ADK: variants seen among roughly 807,000 people sequenced by gnomAD.
ADK encodes the protein N6,N6-dimethyladenosine kinase.
A neutral mutation model predicts 44.7 loss-of-function variants in ADK; 24 were observed. That is an observed-to-expected ratio of 0.54 (90% confidence interval 0.39 to 0.76). The LOEUF is 0.76. ADK is among the 30% of genes least tolerant of loss of function. The pLI is 0.00. For synonymous variants in ADK, 128 were observed against 142.6 expected (o/e 0.90, Z 0.73); for missense variants, 321 against 425.1 (o/e 0.76, Z 2.15).
At chr10:74,493,191 T>C (rs1847548769) in intron 6 of ADK, among the ~76,000 whole-genome samples, 1 of 152,008 alleles carries the variant, frequency 6.6e-6, no homozygotes, top group Non-Finnish European at 1.5e-5. Flanking sequence ...TTATTTTACT[T>C]TACTGAGACA....
chr10:74,629,068 C>G (rs1853321972), intron 9 of ADK, among the ~76,000 whole-genome samples: 1 of 152,046 alleles, frequency 6.6e-6, no homozygotes, highest in African/African-American at 2.4e-5. Flanking sequence ...AAGAGACTGT[C>G]TCCCAGGCTG....
At chr10:74,523,819 C>T (rs762320671) in intron 6 of ADK, among the ~76,000 whole-genome samples, 1 of 152,166 alleles carries the variant, frequency 6.6e-6, no homozygotes, top group Non-Finnish European at 1.5e-5. Flanking sequence ...GTATGTAGTA[C>T]TCCTAATATG....
chr10:74,221,713 G>A (rs1414474470), intron 2 of ADK, among the ~76,000 whole-genome samples: 5 of 144,518 alleles, frequency 3.5e-5, no homozygotes, highest in African/African-American at 7.9e-5. Context: ...CAGAAATAAC[G>A]CCGCATATCT....
chr10:74,335,266 A>AT (rs1483710514), intron 4 of ADK, among the ~76,000 whole-genome samples: 4 of 151,848 alleles, frequency 2.6e-5, no homozygotes, highest in Non-Finnish European at 4.4e-5. Flanking sequence ...TTATTTATTT[A>AT]TTTTTTTGGC....
At chr10:74,700,261 CT>C in intron 10 of ADK, among the ~76,000 whole-genome samples, 1 of 152,156 alleles carries the variant, frequency 6.6e-6, no homozygotes, top group Admixed American at 6.5e-5. Flanking sequence ...TGGTCTCTGA[CT>C]ACAGGAGTCT....
chr10:74,257,877 G>A (rs150186915), intron 3 of ADK, among the ~76,000 whole-genome samples: 1 of 152,198 alleles, frequency 6.6e-6, no homozygotes, highest in Non-Finnish European at 1.5e-5. Flanking sequence ...TTGTCTCTGT[G>A]TCATTAACAT....
chr10:74,272,135 G>A (rs935111358), intron 3 of ADK, among the ~76,000 whole-genome samples: 1 of 152,038 alleles, frequency 6.6e-6, no homozygotes, highest in South Asian at 2.1e-4. Flanking sequence ...ATTACTTAAT[G>A]TTATATATAA....
At chr10:74,568,862 G>T (rs1221721682) in intron 7 of ADK, among the ~76,000 whole-genome samples, 1 of 151,808 alleles carries the variant, frequency 6.6e-6, no homozygotes, top group African/African-American at 2.4e-5. Flanking sequence ...TGCCATGTTG[G>T]TGTGCTGCAC....
At chr10:74,508,860 T>C (rs1022148649) in intron 6 of ADK, among the ~76,000 whole-genome samples, 3 of 152,352 alleles carry the variant, frequency 2.0e-5, no homozygotes, top group Admixed American at 2.0e-4. Context: ...AAATTATACA[T>C]AATATATAAA....
intron 8 of ADK, among the ~76,000 whole-genome samples, chr10:74,594,957 C>G (rs1851850891): frequency 6.6e-6 from 1 of 152,098 alleles, no homozygotes; most frequent in Non-Finnish European, 1.5e-5. Context: ...GGGTGGATCA[C>G]CTGACATCAG....
At chr10:74,663,640 A>T (rs570701268) in intron 9 of ADK, among the ~76,000 whole-genome samples, 1 of 152,186 alleles carries the variant, frequency 6.6e-6, no homozygotes, top group Non-Finnish European at 1.5e-5. Context: ...AGTTCAATAA[A>T]CTAAACTAAT....
At chr10:74,240,270 T>G (rs894707015) in intron 3 of ADK, among the ~76,000 whole-genome samples, 3 of 152,180 alleles carry the variant, frequency 2.0e-5, no homozygotes, top group Admixed American at 2.0e-4. Flanking sequence ...ACTTGTAATA[T>G]AACAGTAATA....
intron 7 of ADK, among the ~76,000 whole-genome samples, chr10:74,542,610 A>G (rs1849677856): frequency 2.0e-5 from 3 of 152,014 alleles, no homozygotes; most frequent in Non-Finnish European, 4.4e-5. Flanking sequence ...CTTATCCCTC[A>G]TCTTCCTCAT....
chr10:74,601,927 CA>C (rs1240757450), intron 9 of ADK, among the ~76,000 whole-genome samples: 3 of 82,744 alleles, frequency 3.6e-5, no homozygotes. Flanking sequence ...TTCATCTCTA[CA>C]AAAAAAAATG....
At chr10:74,290,109 C>T (rs1224694696) in intron 3 of ADK, among the ~76,000 whole-genome samples, 1 of 152,086 alleles carries the variant, frequency 6.6e-6, no homozygotes, top group Non-Finnish European at 1.5e-5. Flanking sequence ...CACTCACACA[C>T]ACTCACATAG....
intron 9 of ADK, among the ~76,000 whole-genome samples, chr10:74,660,067 A>T (rs1854642113): frequency 6.6e-6 from 1 of 152,244 alleles, no homozygotes; most frequent in South Asian, 2.1e-4. Context: ...AGTGCTTTAT[A>T]TGTATTAACT....
chr10:74,705,793 A>C lies in ADK; in HGVS notation c.965-2528A>C, dbSNP rs182316014. 1.2e-4 allele frequency among the ~76,000 whole-genome samples: 18 copies of C among 152,236 alleles called. No homozygotes were observed. The East Asian group carries it at 3.1e-3, about 26-fold the overall frequency. ...TCCAGTTGATCACACCCTTGCCAAC[A>C]CTTGTTATAGTCAGTCTTTTCAGTT... On this transcript the variant is annotated intron_variant, in intron 10 of 10. Coordinates refer to ENST00000539909, the MANE Select transcript of ADK (RefSeq NM_006721.4).
At chr10:74,492,402 G>A (rs576102400) in intron 6 of ADK, among the ~76,000 whole-genome samples, 1 of 152,014 alleles carries the variant, frequency 6.6e-6, no homozygotes, top group Non-Finnish European at 1.5e-5. Context: ...AAGAGTTCGA[G>A]TCTGACCTGG....
intron 3 of ADK, among the ~76,000 whole-genome samples, chr10:74,240,266 AAT>A (rs1173557832): frequency 1.3e-5 from 2 of 152,148 alleles, no homozygotes; most frequent in African/African-American, 4.8e-5. Context: ...TGAGACTTGT[AAT>A]ATAACAGTAA....
Sources: gnomAD v4.1 joint callset for allele counts (sites outside exome capture counted in the v4.1 genomes callset) on GRCh38, gnomAD v4.1.1 for gene constraint, MANE v1.5 for transcripts, NCBI Gene and HGNC (gene_info 2026-07-23, HGNC 2026-07-21) for gene names.